CCND1: variants seen among roughly 807,000 people sequenced by gnomAD.
CCND1 encodes the protein G1/S-specific cyclin-D1.
A neutral mutation model predicts 26.1 loss-of-function variants in CCND1; 9 were observed. The observed-to-expected ratio is 0.35, with a 90% CI of 0.21 to 0.60. The LOEUF is 0.60. CCND1 is among the 20% of genes least tolerant of loss of function. The pLI is 0.79. For missense variants in CCND1, 335 were observed against 392.9 expected (o/e 0.85, Z 1.25); for synonymous variants, 194 against 166.1 (o/e 1.17, Z -1.29).
chr11:69,646,737 C>T (rs950690324), intron 3 of CCND1, among the ~76,000 whole-genome samples: 16 of 152,214 alleles, frequency 1.1e-4, no homozygotes, highest in Admixed American at 6.5e-5. Flanking sequence ...CACCTGTCCA[C>T]GGTAGGCGCA....
At position 69,653,419 on chromosome 11, in the gene CCND1, G is replaced by GTT. The variant is rs375055236; in HGVS notation, c.*2150_*2151dup. 0.013 allele frequency: 7,160 copies of GTT among 546,022 alleles called. No homozygotes were observed. The highest frequency in any genetic ancestry group is 0.028 in the South Asian group (1,295 of 45,562). 33.8% of individuals were successfully genotyped at this position (546,022 alleles called of 1,614,324 possible). A position where few individuals can be genotyped will look rare whatever the true frequency, so the allele number is the denominator to read the frequency against. ...TTGTATTACAGATGCCTTTTTTGTA[G>GTT]TTTTTTTTTTTTTTATGTGATCAAT... On this transcript the variant is annotated 3_prime_UTR_variant, in exon 5 of 5. Coordinates refer to ENST00000227507, the MANE Select transcript of CCND1 (RefSeq NM_053056.3).
At chr11:69,645,892 T>C (rs904517236) in intron 3 of CCND1, among the ~76,000 whole-genome samples, 7 of 152,276 alleles carry the variant, frequency 4.6e-5, no homozygotes, top group Non-Finnish European at 1.0e-4. Flanking sequence ...TCAGGGCAGG[T>C]GCGCCCTTGG....
At chr11:69,643,315 T>C (rs1855734706) in intron 2 of CCND1, 69 bp downstream of exon 2, 1 of 1,322,352 alleles carries the variant, frequency 7.6e-7, no homozygotes, top group Admixed American at 2.2e-5. Flanking sequence ...CCGGGGAAGG[T>C]GCAGGCGGTG....
At chr11:69,648,180 C>A in intron 4 of CCND1, 38 bp downstream of exon 4, 2 of 1,610,140 alleles carry the variant, frequency 1.2e-6, no homozygotes, top group Non-Finnish European at 1.7e-6. Flanking sequence ...CTTGCCGGGG[C>A]TTACAGGGGG....
intron 2 of CCND1, chr11:69,643,608 G>A (rs1238524325): frequency 3.1e-5 from 15 of 486,362 alleles, no homozygotes; most frequent in African/African-American, 1.4e-4. Context: ...TTTTCACGCG[G>A]CGGGCGCCTT....
chr11:69,653,440 T>A lies in CCND1; in HGVS notation c.*2158T>A. 1 of 616,838 alleles carries A rather than the reference T, an allele frequency of 1.6e-6. No homozygotes were observed. The highest frequency in any genetic ancestry group is 2.8e-6 in the Non-Finnish European group (1 of 352,458). The allele number at this position is 616,838 out of a possible 1,614,324, so 38.2% of individuals were successfully genotyped here. ...TGTAGTTTTTTTTTTTTTTATGTGA[T>A]CAATTTTGACTTAATGTGATTACTG... On this transcript the variant is annotated 3_prime_UTR_variant, in exon 5 of 5. Transcript: ENST00000227507.
At position 69,653,596 on chromosome 11, in the gene CCND1, C is replaced by T. The variant is rs565957345; in HGVS notation, c.*2314C>T. On this transcript the variant is annotated 3_prime_UTR_variant, in exon 5 of 5. Coordinates refer to ENST00000227507, the MANE Select transcript of CCND1 (RefSeq NM_053056.3). ...CGATCCCACACAGGCTGGCGGGGGC[C>T]GGCCCCGAGGCCGCGTGCGTGAGAA... 1.8e-5 allele frequency: 9 copies of T among 491,998 alleles called. No individual in the cohort carries two copies. Among genetic ancestry groups the T allele is most frequent in the Admixed American group, 4.0e-5 (1 of 25,254 alleles). The allele number at this position is 491,998 out of a possible 1,614,324, so 30.5% of individuals were successfully genotyped here. A position where few individuals can be genotyped will look rare whatever the true frequency, so the allele number is the denominator to read the frequency against.
rs191290968 is a variant in CCND1, at chr11:69,645,179, G to T, written c.574+1188G>T. Among the ~76,000 whole-genome samples the T allele has an allele frequency of 4.8e-3, 730 of 152,322 alleles. 19 individuals carry two copies. The highest frequency in any genetic ancestry group is 1.7e-3 in the Non-Finnish European group (116 of 68,030). On this transcript the variant is annotated intron_variant, in intron 3 of 4. Transcript: ENST00000227507. ...GTCGACCAGTCTGGATGGGTCTGGG[G>T]TGGGGGGGCATGCGGCAGACAGGGA...
chr11:69,650,043 C>T (rs1346167494), intron 4 of CCND1, among the ~76,000 whole-genome samples: 1 of 152,214 alleles, frequency 6.6e-6, no homozygotes, highest in African/African-American at 2.4e-5. Flanking sequence ...AGTGGTCCAC[C>T]TAAAAGTCGT....
chr11:69,648,672 A>G (rs1411162513), intron 4 of CCND1, among the ~76,000 whole-genome samples: 1 of 151,900 alleles, frequency 6.6e-6, no homozygotes, highest in East Asian at 2.0e-4. Flanking sequence ...TTTATTCCCG[A>G]GTCTTTTCTT....
chr11:69,654,056 C>G lies in CCND1; in HGVS notation c.*2774C>G, dbSNP rs979621757. The G allele has an allele frequency of 3.0e-5, 18 of 604,246 alleles. No individual in the cohort carries two copies. The highest frequency in any genetic ancestry group is 4.4e-5 in the Non-Finnish European group (15 of 338,514). The allele number at this position is 604,246 out of a possible 1,614,324, so 37.4% of individuals were successfully genotyped here. A position where few individuals can be genotyped will look rare whatever the true frequency, so the allele number is the denominator to read the frequency against. On this transcript the variant is annotated 3_prime_UTR_variant, in exon 5 of 5. Transcript: ENST00000227507. This position sits in a 1 kb window ranked among gnomAD's most constrained non-coding sequence, Gnocchi z 6.3. The stretch of plus-strand genomic sequence containing the variant: ...GAATTTGCACCCCGCTGCGGGCCCA[C>G]GTGGTTGGGGCCCTGCCCTGGCAGG...
rs3781611 is a variant in CCND1 at position 69,649,938 on chromosome 11, C to T, written c.724-1180C>T. ...AGTGGGACTGTTTGTGCAGCCAGCC[C>T]GGCCAGCTTCATTTGCCATGATGAG... On this transcript the variant is annotated intron_variant, in intron 4 of 4. Coordinates refer to ENST00000227507, the MANE Select transcript of CCND1 (RefSeq NM_053056.3). Among the ~76,000 whole-genome samples, 8 of 152,270 alleles carry T rather than the reference C, an allele frequency of 5.3e-5. No homozygotes were observed. The East Asian group carries it at 1.4e-3, about 26-fold the overall frequency.
Position 69,641,366 on chromosome 11 carries a change from C to T in CCND1, c.53C>T (p.Pro18Leu), listed in dbSNP as rs2120080068. 6.2e-7 allele frequency: 1 copy of T among 1,613,300 alleles called. No individual in the cohort carries two copies. The highest frequency in any genetic ancestry group is 1.3e-5 in the African/African-American group (1 of 75,050). Residue 18 changes from proline to leucine, a missense_variant, in exon 1 of 5, where the codon CCC becomes CTC. Physicochemically the swap from Pro to Leu is moderately conservative, Grantham distance 98. Transcript: ENST00000227507. ...CEVETIRRAY[P>L]DANLLNDRVL... is the part of the protein sequence containing the mutation. ...GTGGAAACCATCCGCCGCGCGTACC[C>T]CGATGCCAACCTCCTCAACGACCGG...
In CCND1 at chr11:69,643,877, G is replaced by C. The variant is rs752345237; in HGVS notation, c.460G>C (p.Ala154Pro). 1.2e-6 allele frequency: 2 copies of C among 1,613,176 alleles called. No individual in the cohort carries two copies. Among genetic ancestry groups the C allele is most frequent in the Non-Finnish European group, 1.7e-6 (2 of 1,179,750 alleles). ...GAACAAGCTCAAGTGGAACCTGGCC[G>C]CAATGACCCCGCACGATTTCATTGA... ...LVNKLKWNLA[A>P]MTPHDFIEHF... The change falls in exon 3 of 5, where the codon GCA (alanine) becomes CCA (proline). Residue 154 changes from alanine to proline, a missense_variant. Coordinates refer to ENST00000227507, the MANE Select transcript of CCND1 (RefSeq NM_053056.3).
rs55666306 is a variant in CCND1, at chr11:69,654,003, G to A, written c.*2721G>A. The A allele has an allele frequency of 4.0e-4, 238 of 596,058 alleles. No homozygotes were observed. Among genetic ancestry groups the A allele is most frequent in the Non-Finnish European group, 6.3e-4 (211 of 334,412 alleles). The allele number at this position is 596,058 out of a possible 1,614,324, so 36.9% of individuals were successfully genotyped here. On this transcript the variant is annotated 3_prime_UTR_variant, in exon 5 of 5. Transcript: ENST00000227507. The surrounding 1 kb of genome is among the most constrained non-coding windows in gnomAD (Gnocchi z 6.3). ...GCCAGCTCACAGTGCTGTGTGCCCCGGTCACCTAGCAAGCTGCCGAACCAA... is the reference window on the plus strand; with the variant it reads ...GCCAGCTCACAGTGCTGTGTGCCCCAGTCACCTAGCAAGCTGCCGAACCAA...
chr11:69,647,818 A>T, intron 3 of CCND1, 176 bp from the exon 4 acceptor site: 1 of 660,268 alleles, frequency 1.5e-6, no homozygotes, highest in South Asian at 2.0e-5. Flanking sequence ...TTGCTCTCCG[A>T]GTGCCCAGGG....
chr11:69,641,981 T>A (rs929506660), intron 1 of CCND1, among the ~76,000 whole-genome samples: 3 of 152,088 alleles, frequency 2.0e-5, no homozygotes, highest in Non-Finnish European at 4.4e-5. Flanking sequence ...CTTTGCTCTT[T>A]TATTGCAAAG....
chr11:69,651,085 T>C (rs976850379), intron 4 of CCND1, 33 bp from the exon 5 acceptor site: 1 of 1,597,940 alleles, frequency 6.3e-7, no homozygotes, highest in South Asian at 1.1e-5. Flanking sequence ...AAGGACCCCC[T>C]CTTCCCACCT....
At chr11:69,648,355 C>A (rs1442024669) in intron 4 of CCND1, 1 of 575,884 alleles carries the variant, frequency 1.7e-6, no homozygotes, top group Non-Finnish European at 3.1e-6. Flanking sequence ...GTCCTCACAG[C>A]CTTCTCACGT....
Sources: allele counts gnomAD v4.1 joint callset (sites outside exome capture counted in the v4.1 genomes callset), GRCh38; gene constraint gnomAD v4.1.1; non-coding constraint Gnocchi (gnomAD v3.1); transcripts MANE v1.5; gene names NCBI Gene and HGNC (gene_info 2026-07-23, HGNC 2026-07-21).